The following CD300LD variants were observed in gnomAD, a reference collection of about 807,000 sequenced individuals.
CD300LD encodes CD300 molecule like family member d.
Under a neutral mutation model 20.3 loss-of-function variants are expected in CD300LD, and 18 were observed. The observed-to-expected ratio is 0.89, with a 90% CI of 0.61 to 1.32. The LOEUF is 1.32. Ranked by LOEUF, CD300LD falls within the 40% of genes most tolerant of loss-of-function variation. The pLI is 0.00. For missense variants in CD300LD, 195 were observed against 226.6 expected (o/e 0.86, Z 0.90); for synonymous variants, 104 against 90.1 (o/e 1.15, Z -0.87).
intron 2 of CD300LD, among the ~76,000 whole-genome samples, chr17:74,587,041 C>A (rs956687508): frequency 6.6e-6 from 1 of 152,006 alleles, no homozygotes; most frequent in Non-Finnish European, 1.5e-5. Flanking sequence ...CCCAGCTACT[C>A]GGGAGGCTAA....
At chr17:74,592,026 A>G in intron 1 of CD300LD, 137 bp downstream of exon 1, 1 of 1,576,648 alleles carries the variant, frequency 6.3e-7, no homozygotes, top group South Asian at 1.1e-5. Flanking sequence ...CTTGATTGCT[A>G]TTTAATGAAT....
intron 2 of CD300LD, among the ~76,000 whole-genome samples, chr17:74,588,065 G>A (rs768888760): frequency 5.9e-5 from 9 of 152,192 alleles, no homozygotes; most frequent in African/African-American, 1.2e-4. Context: ...AGGCTAAGAT[G>A]TCCGAGGTTG....
chr17:74,582,077 A>G (rs1354695988), intron 3 of CD300LD, 141 bp downstream of exon 3: 4 of 598,344 alleles, frequency 6.7e-6, no homozygotes, highest in Admixed American at 6.2e-5. Context: ...GTTGGGATAT[A>G]CTTATGCTAA....
Position 74,581,176 on chromosome 17 carries a change from C to A in CD300LD, c.473+1042G>T, listed in dbSNP as rs577822303. ...AAGCATGGAGGAGGAAAAAAACAAA[C>A]AAAAAAAAAACAGTCGAGGAGTCCT... On this transcript the variant is annotated intron_variant, in intron 3 of 3. Coordinates refer to ENST00000375352, the MANE Select transcript of CD300LD (RefSeq NM_001115152.2). 5.3e-3 allele frequency among the ~76,000 whole-genome samples: 754 copies of A among 142,224 alleles called. 2 individuals are homozygous for A. Among genetic ancestry groups the A allele is most frequent in the Non-Finnish European group, 7.4e-3 (481 of 64,972 alleles). 93.3% of individuals were successfully genotyped at this position (142,224 alleles called of 152,430 possible). A position where few individuals can be genotyped will look rare whatever the true frequency, so the allele number is the denominator to read the frequency against.
intron 2 of CD300LD, among the ~76,000 whole-genome samples, chr17:74,584,527 T>G (rs898069510): frequency 6.6e-6 from 1 of 152,230 alleles, no homozygotes; most frequent in Admixed American, 6.5e-5. Flanking sequence ...CCAAGTGCTG[T>G]GTTCCTTGTG....
chr17:74,581,403 T>C (rs1445656275), intron 3 of CD300LD, among the ~76,000 whole-genome samples: 1 of 152,098 alleles, frequency 6.6e-6, no homozygotes, highest in Non-Finnish European at 1.5e-5. Flanking sequence ...GCTCTGGCCT[T>C]GACCTGGGGG....
At chr17:74,589,848 A>G (rs2030263044) in intron 1 of CD300LD, among the ~76,000 whole-genome samples, 3 of 152,240 alleles carry the variant, frequency 2.0e-5, no homozygotes, top group Admixed American at 2.0e-4. Context: ...CACTTGAAGA[A>G]GCCCTGGGGG....
chr17:74,582,355 G>A (rs770989062), intron 2 of CD300LD, 44 bp from the exon 3 acceptor site: 19 of 1,545,172 alleles, frequency 1.2e-5, no homozygotes, highest in Non-Finnish European at 1.6e-5. Context: ...TCCATGGATG[G>A]CCCAGCTCTG....
At chr17:74,587,135 G>T (rs1313093735) in intron 2 of CD300LD, among the ~76,000 whole-genome samples, 1 of 149,722 alleles carries the variant, frequency 6.7e-6, no homozygotes, top group African/African-American at 2.5e-5. Context: ...GGCAACAAGA[G>T]CGAAACTCCA....
At chr17:74,588,097 C>A (rs563761793) in intron 2 of CD300LD, among the ~76,000 whole-genome samples, 2 of 152,268 alleles carry the variant, frequency 1.3e-5, no homozygotes, top group East Asian at 3.9e-4. Context: ...CTTGTGAGGG[C>A]CTTCTTGATG....
intron 2 of CD300LD, 25 bp downstream of exon 2, chr17:74,588,486 C>T (rs2030221219): frequency 6.7e-7 from 1 of 1,489,094 alleles, no homozygotes; most frequent in South Asian, 1.2e-5. Context: ...CTGAGAGACA[C>T]ACACGTATAT....
chr17:74,588,393 C>T (rs2030218444), intron 2 of CD300LD, 118 bp downstream of exon 2: 5 of 671,390 alleles, frequency 7.4e-6, no homozygotes, highest in Non-Finnish European at 1.0e-5. Context: ...GACCTCAGGA[C>T]TCAGACACCC....
intron 2 of CD300LD, among the ~76,000 whole-genome samples, chr17:74,585,743 C>G (rs765392339): frequency 3.3e-5 from 5 of 152,180 alleles, no homozygotes; most frequent in Non-Finnish European, 7.3e-5. Context: ...CGCCTTCCAC[C>G]CTTTGATGTA....
intron 1 of CD300LD, among the ~76,000 whole-genome samples, chr17:74,591,262 A>AATAATAATAATAAT (rs1555650248): frequency 1.9e-4 from 22 of 114,086 alleles, no homozygotes; most frequent in African/African-American, 4.8e-4. Context: ...AAAAAAAAAA[A>AATAATAATAATAAT]AATAAAAATA....
rs771978147 is a variant in CD300LD, at chr17:74,582,274, T to C, written c.417A>G (p.Thr139=). The change falls in exon 3 of 4, where the codon ACA becomes ACG. Residue 139 remains threonine, a synonymous_variant. Transcript: ENST00000375352. Reference sequence around the variant, plus strand: ...CTGCAGCTGTGAAAGCCAGGCTTGCTGTTGTGGTTGTCCATTCTGAGACTG... The same window carrying C: ...CTGCAGCTGTGAAAGCCAGGCTTGCCGTTGTGGTTGTCCATTCTGAGACTG... ...QTAVSEWTTT[T]ASLAFTAAAT... The C allele has an allele frequency of 5.0e-6, 8 of 1,613,756 alleles. No individual in the cohort carries two copies. Among genetic ancestry groups the C allele is most frequent in the Non-Finnish European group, 6.8e-6 (8 of 1,179,818 alleles).
intron 2 of CD300LD, 39 bp from the exon 3 acceptor site, chr17:74,582,350 G>T (rs761790336): frequency 6.4e-7 from 1 of 1,563,956 alleles, no homozygotes; most frequent in Non-Finnish European, 8.8e-7. Flanking sequence ...CCCCTTCCAT[G>T]GATGGCCCAG....
chr17:74,578,882 C>T (rs568195859), downstream of CD300LD, among the ~76,000 whole-genome samples: 6 of 152,234 alleles, frequency 3.9e-5, no homozygotes, highest in Non-Finnish European at 7.4e-5. Flanking sequence ...CCCAGGCAGG[C>T]GGTACTGAGG....
intron 2 of CD300LD, among the ~76,000 whole-genome samples, chr17:74,585,835 G>A (rs958856161): frequency 1.3e-5 from 2 of 152,146 alleles, no homozygotes; most frequent in African/African-American, 2.4e-5. Flanking sequence ...TGCAGACCAG[G>A]CTAGACAGAA....
rs493430 is a variant in CD300LD, at chr17:74,592,187, A to C, written c.16T>G (p.Ser6Ala). The C allele has an allele frequency of 0.68, 1,091,326 of 1,613,816 alleles. 371,435 individuals are homozygous for C. Among genetic ancestry groups the C allele is most frequent in the African/African-American group, 0.82 (61,632 of 74,984 alleles). MWLSP[S>A]LLLLILPGYS... ...CCTGGGAGGATGAGAAGCAGCAGAG[A>C]TGGGGACAGCCACATGGTCCTGTCT... Residue 6 changes from serine (S) to alanine (A), a missense_variant, in exon 1 of 4, where the codon TCT (serine) becomes GCT (alanine). Ser to Ala is a moderately conservative substitution (Grantham distance 99). Transcript: ENST00000375352.
Sources: allele counts gnomAD v4.1 joint callset (sites outside exome capture counted in the v4.1 genomes callset), GRCh38; gene constraint gnomAD v4.1.1; transcripts MANE v1.5; gene names NCBI Gene and HGNC (gene_info 2026-07-23, HGNC 2026-07-21).